Variants in CRB1 observed in about 807,000 individuals in gnomAD.
CRB1 encodes the protein crumbs cell polarity complex component 1.
In CRB1, 83 loss-of-function variants were observed where a neutral mutation model predicts 120.0. The observed-to-expected ratio is 0.69, with a 90% CI of 0.58 to 0.83. The LOEUF is 0.83. CRB1 is among the 40% of genes least tolerant of loss of function. The pLI is 0.00. For synonymous variants in CRB1, 625 were observed against 612.5 expected (o/e 1.02, Z -0.30); for missense variants, 1,699 against 1,687.6 (o/e 1.01, Z -0.12).
At chr1:197,357,082 A>G (rs1571897399) in intron 5 of CRB1, 69 bp downstream of exon 5, 1 of 1,476,942 alleles carries the variant, frequency 6.8e-7, no homozygotes, top group South Asian at 1.1e-5. Flanking sequence ...CTTTAACCAA[A>G]TGGTGTATTA....
At chr1:197,278,236 C>T (rs756323884) in intron 1 of CRB1, among the ~76,000 whole-genome samples, 12 of 151,838 alleles carry the variant, frequency 7.9e-5, no homozygotes, top group Non-Finnish European at 1.5e-4. Context: ...GTAAAAGAGA[C>T]CTCCAAGAAA....
At chr1:197,299,750 G>A (rs909771191) in intron 1 of CRB1, among the ~76,000 whole-genome samples, 1 of 150,426 alleles carries the variant, frequency 6.6e-6, no homozygotes, top group Admixed American at 6.6e-5. Context: ...AAAAAGGCAG[G>A]ACTCCATAGA....
rs574129795 is a variant in CRB1, at chr1:197,416,650, A to G, written c.1172-4350A>G. On this transcript the variant is annotated intron_variant, in intron 5 of 11. Transcript: ENST00000367400. ...ATAAAAACACAAGATGTTAAAGTAAATACAGATAACAGACTTTAGGTTTTT... is the reference window on the plus strand; with the variant it reads ...ATAAAAACACAAGATGTTAAAGTAAGTACAGATAACAGACTTTAGGTTTTT... 5.3e-5 allele frequency among the ~76,000 whole-genome samples: 8 copies of G among 152,252 alleles called. No homozygotes were observed. The South Asian group carries it at 1.7e-3, about 32-fold the overall frequency.
rs1558070265 is a variant in CRB1 at position 197,347,462 on chromosome 1, C to T, written c.971C>T (p.Thr324Ile). The T allele has an allele frequency of 9.9e-6, 16 of 1,614,136 alleles. No individual in the cohort carries two copies. The highest frequency in any genetic ancestry group is 1.4e-5 in the Non-Finnish European group (16 of 1,179,978). ...ATCEDSVDNYTCHCWPGYTGA... is the reference protein window; with the variant it reads ...ATCEDSVDNYICHCWPGYTGA... ...TGTGAGGACAGTGTTGACAATTACA[C>T]TTGTCACTGCTGGCCTGGTGAGTGA... Residue 324 changes from threonine (T) to isoleucine (I), a missense_variant, in exon 4 of 12, where the codon ACT (threonine) becomes ATT (isoleucine). Coordinates refer to ENST00000367400, the MANE Select transcript of CRB1 (RefSeq NM_201253.3).
At chr1:197,248,392 A>G in the CRB1 span, among the ~76,000 whole-genome samples, 2 of 151,984 alleles carry the variant, frequency 1.3e-5, no homozygotes, top group Non-Finnish European at 2.9e-5. Context: ...CAGTTTACTT[A>G]TCTGTAAAAT....
chr1:197,227,302 C>G, the CRB1 span, among the ~76,000 whole-genome samples: 1 of 151,972 alleles, frequency 6.6e-6, no homozygotes, highest in Non-Finnish European at 1.5e-5. Context: ...TACAGCCATT[C>G]CAAATGAGAG....
At chr1:197,322,739 C>G (rs962995974) in intron 1 of CRB1, among the ~76,000 whole-genome samples, 8 of 152,088 alleles carry the variant, frequency 5.3e-5, no homozygotes, top group South Asian at 2.1e-4. Context: ...AGGCCCCACT[C>G]CTCCTGACTC....
chr1:197,409,139 C>G (rs1315123217), intron 5 of CRB1, among the ~76,000 whole-genome samples: 1 of 152,168 alleles, frequency 6.6e-6, no homozygotes, highest in Non-Finnish European at 1.5e-5. Flanking sequence ...GTATATGTAT[C>G]TCTTGCATCA....
chr1:197,316,207 C>A (rs998342844), intron 1 of CRB1, among the ~76,000 whole-genome samples: 3 of 150,490 alleles, frequency 2.0e-5, no homozygotes, highest in African/African-American at 7.3e-5. Flanking sequence ...TTTTTTGAGA[C>A]GGAGTCTCAC....
At chr1:197,391,714 CA>C (rs1278208569) in intron 5 of CRB1, among the ~76,000 whole-genome samples, 1 of 151,954 alleles carries the variant, frequency 6.6e-6, no homozygotes, top group African/African-American at 2.4e-5. Context: ...TGAACTTAAC[CA>C]GTTCTCAGTT....
rs759694938 is a variant in CRB1, at chr1:197,356,881, C to G, written c.1039C>G (p.Pro347Ala). ...CGACCTCAATGAATGCAATAGTAAC[C>G]CCTGCCAGTCCAATGGGGAATGTGT... ...EIDLNECNSNPCQSNGECVEL... is the reference protein window; with the variant it reads ...EIDLNECNSNACQSNGECVEL... The change falls in exon 5 of 12, where the codon CCC becomes GCC. Residue 347 changes from proline (P) to alanine (A), a missense_variant. Transcript: ENST00000367400. 1 of 1,614,144 alleles carries G rather than the reference C, an allele frequency of 6.2e-7. No homozygotes were observed. The highest frequency in any genetic ancestry group is 1.1e-5 in the South Asian group (1 of 91,080).
intron 1 of CRB1, among the ~76,000 whole-genome samples, chr1:197,305,173 T>G (rs1322198803): frequency 6.6e-6 from 1 of 152,204 alleles, no homozygotes. Context: ...ACTGGGGAAC[T>G]TGGTGTGTTT....
chr1:197,374,991 T>G (rs1661570748), intron 5 of CRB1, among the ~76,000 whole-genome samples: 1 of 152,154 alleles, frequency 6.6e-6, no homozygotes, highest in Non-Finnish European at 1.5e-5. Flanking sequence ...GGGGGTCTTT[T>G]GCTTCCCTCT....
At chr1:197,350,138 CAAACT>C (rs2125338147) in intron 4 of CRB1, among the ~76,000 whole-genome samples, 2 of 151,550 alleles carry the variant, frequency 1.3e-5, no homozygotes, top group South Asian at 4.2e-4. Flanking sequence ...GAAAATTTTC[CAAACT>C]ATGTAGTTTC....
chr1:197,324,550 T>C (rs149833129), intron 1 of CRB1, among the ~76,000 whole-genome samples: 1 of 152,304 alleles, frequency 6.6e-6, no homozygotes, highest in Non-Finnish European at 1.5e-5. Flanking sequence ...CAAGCCCTGT[T>C]AGGCATTTTA....
At chr1:197,448,737 T>G (rs1394809074) in intron 11 of CRB1, among the ~76,000 whole-genome samples, 1 of 152,156 alleles carries the variant, frequency 6.6e-6, no homozygotes. Flanking sequence ...GCTTACTATT[T>G]TATTCCTGCA....
At chr1:197,321,370 A>G (rs138594869) in intron 1 of CRB1, among the ~76,000 whole-genome samples, 1 of 152,210 alleles carries the variant, frequency 6.6e-6, no homozygotes, top group African/African-American at 2.4e-5. Context: ...TATATTCATG[A>G]TGACTTCCAA....
At chr1:197,471,350 G>A (rs1666970153) in intron 11 of CRB1, among the ~76,000 whole-genome samples, 1 of 152,194 alleles carries the variant, frequency 6.6e-6, no homozygotes, top group African/African-American at 2.4e-5. Context: ...TACAGCCCTT[G>A]GAGGGGGCCG....
At chr1:197,459,201 G>C (rs1666417047) in intron 11 of CRB1, among the ~76,000 whole-genome samples, 1 of 152,082 alleles carries the variant, frequency 6.6e-6, no homozygotes, top group Non-Finnish European at 1.5e-5. Context: ...CCAAACTTTG[G>C]TAAAAATCCA....
Sources: allele counts gnomAD v4.1 joint callset (sites outside exome capture counted in the v4.1 genomes callset), GRCh38; gene constraint gnomAD v4.1.1; transcripts MANE v1.5; gene names NCBI Gene and HGNC (gene_info 2026-07-23, HGNC 2026-07-21).